RAD51B: variants seen among roughly 807,000 people sequenced by gnomAD.
The protein encoded by RAD51B is DNA repair protein RAD51 homolog 2.
In RAD51B, 38 loss-of-function variants were observed where a neutral mutation model predicts 42.2. The ratio of observed to expected loss-of-function variants is 0.90; its 90% CI spans 0.70 to 1.18. RAD51B has a LOEUF of 1.18. Ranked by LOEUF, RAD51B falls within the 50% of genes most tolerant of loss-of-function variation. The pLI is 0.00. For synonymous variants in RAD51B, 154 were observed against 145.2 expected, an observed-to-expected ratio of 1.06 and a Z score of -0.43; for missense variants, 373 against 400.7, an observed-to-expected ratio of 0.93 and a Z score of 0.59.
At chr14:68,022,570 G>A (rs891743648) in intron 7 of RAD51B, among the ~76,000 whole-genome samples, 7 of 151,382 alleles carry the variant, frequency 4.6e-5, no homozygotes, top group East Asian at 1.9e-4. Flanking sequence ...ATCTCATTGC[G>A]GTTTTGATTT....
chr14:68,563,627 TG>T, intron 10 of RAD51B: 1 of 985,438 alleles, frequency 1.0e-6, no homozygotes, highest in Non-Finnish European at 1.2e-6. Context: ...GGGTGAGATT[TG>T]GCTTGAAAAA....
At chr14:68,128,331 G>A (rs11844842) in intron 7 of RAD51B, among the ~76,000 whole-genome samples, 15,710 of 152,176 alleles carry the variant, frequency 0.1, 2,457 homozygotes, top group African/African-American at 0.34. Context: ...GATCGCAAGA[G>A]GAGTTTCTTT....
At chr14:68,609,421 C>T (rs1891583523) in intron 10 of RAD51B, among the ~76,000 whole-genome samples, 1 of 152,124 alleles carries the variant, frequency 6.6e-6, no homozygotes, top group Non-Finnish European at 1.5e-5. Context: ...CCCACAGGGC[C>T]CCTGGAGTCT....
chr14:68,586,915 G>A (rs1206695836), intron 10 of RAD51B, among the ~76,000 whole-genome samples: 2 of 152,080 alleles, frequency 1.3e-5, no homozygotes, highest in East Asian at 1.9e-4. Flanking sequence ...TGAGGCAGGA[G>A]AATCACTTGA....
At chr14:68,124,859 G>C (rs950612562) in intron 7 of RAD51B, 1 of 151,776 alleles carries the variant, frequency 6.6e-6, no homozygotes, top group Admixed American at 6.6e-5. Flanking sequence ...TGAGGCAGGA[G>C]AATCACTTGA....
intron 7 of RAD51B, among the ~76,000 whole-genome samples, chr14:68,193,161 A>G (rs1375986769): frequency 6.6e-6 from 1 of 152,128 alleles, no homozygotes; most frequent in Non-Finnish European, 1.5e-5. Flanking sequence ...AGCACCCTTT[A>G]TAGCCTGGAT....
At position 67,900,598 on chromosome 14, in the gene RAD51B, T is replaced by TTGTGTGTGTGTG. The variant is rs142144274; in HGVS notation, c.756+13410_756+13421dup. 6.3e-5 allele frequency among the ~76,000 whole-genome samples: 9 copies of TTGTGTGTGTGTG among 142,266 alleles called. 1 individual carries two copies. The highest frequency in any genetic ancestry group is 2.3e-4 in the African/African-American group (9 of 39,180). 93.3% of individuals were successfully genotyped at this position (142,266 alleles called of 152,430 possible). On this transcript the variant is annotated intron_variant, in intron 7 of 10. Transcript: ENST00000471583. ...ATGACTCAAAGGATCTTCTTTCAGT[T>TTGTGTGTGTGTG]TGTGTGTGTGTGTGTGTGTGTGTGT...
intron 7 of RAD51B, among the ~76,000 whole-genome samples, chr14:68,144,953 A>G (rs1241575205): frequency 6.6e-6 from 1 of 152,116 alleles, no homozygotes; most frequent in Non-Finnish European, 1.5e-5. Context: ...TAATTTCCTC[A>G]ATCTTTGACT....
intron 7 of RAD51B, among the ~76,000 whole-genome samples, chr14:68,170,908 C>T (rs2078859455): frequency 6.6e-6 from 1 of 152,228 alleles, no homozygotes; most frequent in Non-Finnish European, 1.5e-5. Context: ...ATGATAACTT[C>T]ACTGAGTTTT....
intron 7 of RAD51B, among the ~76,000 whole-genome samples, chr14:68,020,283 A>G (rs1179884237): frequency 2.6e-5 from 4 of 151,640 alleles, no homozygotes; most frequent in South Asian, 2.1e-4. Context: ...CTAATTTTTT[A>G]TATTTTTCGT....
intron 7 of RAD51B, among the ~76,000 whole-genome samples, chr14:67,970,122 T>A (rs1566984740): frequency 6.6e-6 from 1 of 152,154 alleles, no homozygotes; most frequent in Non-Finnish European, 1.5e-5. Flanking sequence ...ATCTTTAGCA[T>A]GTAGTAGATT....
chr14:68,408,580 T>C (rs764518731), intron 8 of RAD51B, among the ~76,000 whole-genome samples: 28 of 152,326 alleles, frequency 1.8e-4, no homozygotes, highest in Non-Finnish European at 2.9e-4. Flanking sequence ...GAGGCATATC[T>C]GGCTCAAAAG....
At chr14:68,468,409 G>A in intron 10 of RAD51B, 159 bp downstream of exon 10, 2 of 828,404 alleles carry the variant, frequency 2.4e-6, no homozygotes, top group Admixed American at 3.4e-5. Flanking sequence ...GAGCAAGAGA[G>A]CGGCAGTTGT....
At chr14:67,826,532 G>T (rs2040838201) in intron 3 of RAD51B, among the ~76,000 whole-genome samples, 1 of 152,304 alleles carries the variant, frequency 6.6e-6, no homozygotes, top group South Asian at 2.1e-4. Flanking sequence ...TATGTGGACT[G>T]TAAGTTTCTT....
intron 7 of RAD51B, among the ~76,000 whole-genome samples, chr14:68,278,664 G>A (rs1362603507): frequency 6.6e-6 from 1 of 152,144 alleles, no homozygotes; most frequent in African/African-American, 2.4e-5. Flanking sequence ...AGTTACATTT[G>A]TTTGTTTGTT....
chr14:67,946,805 A>G (rs940599314), intron 7 of RAD51B, among the ~76,000 whole-genome samples: 7 of 152,362 alleles, frequency 4.6e-5, no homozygotes, highest in East Asian at 1.9e-4. Flanking sequence ...TGTCTTCCCT[A>G]TCTTCTGCCA....
At chr14:68,434,229 C>T (rs2085089037) in intron 9 of RAD51B, among the ~76,000 whole-genome samples, 2 of 152,204 alleles carry the variant, frequency 1.3e-5, no homozygotes, top group Admixed American at 1.3e-4. Context: ...GTTCTCAGAT[C>T]TCAAACTCTG....
intron 1 of RAD51B, chr14:67,822,310 G>T (rs2040658162): frequency 1.3e-5 from 2 of 152,038 alleles, no homozygotes; most frequent in Admixed American, 6.6e-5. Flanking sequence ...TCTTTCATGA[G>T]CCTCATTTAC....
chr14:68,363,938 T>A (rs759961522), intron 8 of RAD51B, among the ~76,000 whole-genome samples: 2 of 152,214 alleles, frequency 1.3e-5, no homozygotes, highest in African/African-American at 2.4e-5. Context: ...GGAAGTTGTG[T>A]GGTGGGAAGG....
Sources: gnomAD v4.1 joint callset for allele counts (sites outside exome capture counted in the v4.1 genomes callset) on GRCh38, gnomAD v4.1.1 for gene constraint, MANE v1.5 for transcripts, NCBI Gene and HGNC (gene_info 2026-07-23, HGNC 2026-07-21) for gene names.